Variants in PRKG1 observed in about 807,000 individuals in gnomAD.
PRKG1 encodes cGMP-dependent protein kinase 1.
A neutral mutation model predicts 88.1 loss-of-function variants in PRKG1; 35 were observed. The ratio of observed to expected loss-of-function variants is 0.40; its 90% confidence interval spans 0.30 to 0.53. The LOEUF is 0.53. PRKG1 is among the 20% of genes least tolerant of loss of function. The pLI, the probability that PRKG1 is intolerant of heterozygous loss-of-function variation, is 0.59. For missense variants in PRKG1, 540 were observed against 839.8 expected (o/e 0.64, Z 4.41); for synonymous variants, 303 against 292.5 (o/e 1.04, Z -0.37).
intron 1 of PRKG1, among the ~76,000 whole-genome samples, chr10:51,015,314 A>G (rs549247980): frequency 6.6e-6 from 1 of 152,280 alleles, no homozygotes; most frequent in South Asian, 2.1e-4. Flanking sequence ...TTTATTTAAA[A>G]CCTACTATGT....
intron 1 of PRKG1, among the ~76,000 whole-genome samples, chr10:51,054,353 T>C (rs1267607831): frequency 6.6e-6 from 1 of 152,194 alleles, no homozygotes; most frequent in Non-Finnish European, 1.5e-5. Flanking sequence ...TAAAATGATT[T>C]AATTTGTTTA....
chr10:51,783,534 G>A (rs748959809), intron 3 of PRKG1, among the ~76,000 whole-genome samples: 2 of 151,982 alleles, frequency 1.3e-5, no homozygotes, highest in Admixed American at 6.6e-5. Flanking sequence ...CACCTGCCTC[G>A]GCCTCCCAAA....
At chr10:51,128,191 G>A (rs1379080024) in intron 1 of PRKG1, among the ~76,000 whole-genome samples, 1 of 121,196 alleles carries the variant, frequency 8.3e-6, no homozygotes, top group Non-Finnish European at 1.8e-5. Flanking sequence ...TAAGAAATGA[G>A]AGGTTTTTGT....
intron 3 of PRKG1, among the ~76,000 whole-genome samples, chr10:51,786,912 C>G (rs1173632850): frequency 6.6e-6 from 1 of 152,128 alleles, no homozygotes; most frequent in Non-Finnish European, 1.5e-5. Context: ...ATATGTCCAT[C>G]CTTAAGTAAT....
At chr10:51,925,983 A>G (rs900340490) in intron 5 of PRKG1, among the ~76,000 whole-genome samples, 3 of 152,196 alleles carry the variant, frequency 2.0e-5, no homozygotes, top group African/African-American at 7.2e-5. Flanking sequence ...ACTTAGCACA[A>G]TGCATGGCAT....
intron 4 of PRKG1, among the ~76,000 whole-genome samples, chr10:51,907,122 G>A (rs560732919): frequency 1.3e-5 from 2 of 152,100 alleles, no homozygotes; most frequent in Non-Finnish European, 2.9e-5. Flanking sequence ...AGTTTTTCAG[G>A]TTTACTTTGG....
At chr10:51,350,200 T>C (rs1190721315) in intron 2 of PRKG1, among the ~76,000 whole-genome samples, 1 of 152,168 alleles carries the variant, frequency 6.6e-6, no homozygotes, top group Non-Finnish European at 1.5e-5. Flanking sequence ...CCAGTCAGAC[T>C]CACATGGCCT....
intron 3 of PRKG1, among the ~76,000 whole-genome samples, chr10:51,632,131 A>C (rs2132282475): frequency 6.6e-6 from 1 of 152,162 alleles, no homozygotes; most frequent in East Asian, 1.9e-4. Flanking sequence ...GCTTATCAGC[A>C]ATCGTTAGTA....
At chr10:51,145,751 G>A (rs1468323217) in intron 1 of PRKG1, among the ~76,000 whole-genome samples, 8 of 152,136 alleles carry the variant, frequency 5.3e-5, no homozygotes, top group Admixed American at 4.6e-4. Flanking sequence ...TGCCCCATCT[G>A]TTAACATCTA....
chr10:51,811,392 T>G (rs1839451782), intron 4 of PRKG1, among the ~76,000 whole-genome samples: 1 of 152,184 alleles, frequency 6.6e-6, no homozygotes, highest in Admixed American at 6.6e-5. Context: ...CTGGTTTCAT[T>G]TTTTTAATAA....
In PRKG1 at chr10:52,233,291, A is replaced by G. The variant is rs7075822; in HGVS notation, c.1077-18279A>G. Among the ~76,000 whole-genome samples the G allele has an allele frequency of 6.9e-3, 1,053 of 152,278 alleles. 11 individuals are homozygous for G. Among genetic ancestry groups the G allele is most frequent in the African/African-American group, 0.024 (995 of 41,578 alleles). ...GGAAAAAGGAAGTCAAATATGAAAA[A>G]AAATCTCCAGCTGTTAAATGGCATA... On this transcript the variant is annotated intron_variant, in intron 9 of 17. Coordinates refer to ENST00000373980, the MANE Select transcript of PRKG1 (RefSeq NM_006258.4).
intron 3 of PRKG1, among the ~76,000 whole-genome samples, chr10:51,706,776 C>T (rs1271505037): frequency 6.6e-6 from 1 of 152,040 alleles, no homozygotes; most frequent in African/African-American, 2.4e-5. Flanking sequence ...CAAATTACTT[C>T]GCCTCTCTGT....
chr10:51,483,300 C>T (rs293317), intron 3 of PRKG1, among the ~76,000 whole-genome samples: 91,454 of 151,868 alleles, frequency 0.6, 28,798 homozygotes, highest in East Asian at 0.85. Context: ...GGATTACAGG[C>T]GTGAGCCACC....
rs565600317 is a variant in PRKG1, at chr10:51,715,969, G to A, written c.593-88616G>A. Among the ~76,000 whole-genome samples, 8 of 152,304 alleles carry A rather than the reference G, an allele frequency of 5.3e-5. No individual in the cohort carries two copies. In the East Asian group the frequency reaches 9.6e-4, roughly 18 times the overall value. On this transcript the variant is annotated intron_variant, in intron 3 of 17. Coordinates refer to ENST00000373980, the MANE Select transcript of PRKG1 (RefSeq NM_006258.4). Reference sequence around the variant, plus strand: ...ATGGGGATTATTAGGATGCCAAGCCGTTCTATATTCTCCTCCCAAATCTCA... The same window carrying A: ...ATGGGGATTATTAGGATGCCAAGCCATTCTATATTCTCCTCCCAAATCTCA...
chr10:50,995,171 A>G (rs1842825699), intron 1 of PRKG1, among the ~76,000 whole-genome samples: 2 of 152,224 alleles, frequency 1.3e-5, no homozygotes, highest in Admixed American at 6.5e-5. Flanking sequence ...AATTTACGTA[A>G]TAGGTGACAA....
At chr10:51,936,870 C>G (rs1564716339) in intron 5 of PRKG1, among the ~76,000 whole-genome samples, 1 of 151,964 alleles carries the variant, frequency 6.6e-6, no homozygotes, top group Non-Finnish European at 1.5e-5. Context: ...ATATTAGAAA[C>G]AACCCATTTC....
chr10:51,895,705 G>A (rs1413786095), intron 4 of PRKG1, among the ~76,000 whole-genome samples: 1 of 151,970 alleles, frequency 6.6e-6, no homozygotes, highest in East Asian at 1.9e-4. Context: ...CCGTCTATTG[G>A]TCTCAGGGTT....
chr10:51,505,183 G>A (rs540458212), intron 3 of PRKG1, among the ~76,000 whole-genome samples: 5 of 151,860 alleles, frequency 3.3e-5, no homozygotes, highest in African/African-American at 7.3e-5. Flanking sequence ...TAGCATGAAG[G>A]GTTGTTGAAT....
chr10:52,170,738 A>G (rs1355615651), intron 9 of PRKG1, among the ~76,000 whole-genome samples: 1 of 152,206 alleles, frequency 6.6e-6, no homozygotes, highest in Non-Finnish European at 1.5e-5. Flanking sequence ...AGACTGTCTG[A>G]TATTTTCAGG....
Sources: allele counts gnomAD v4.1 joint callset (sites outside exome capture counted in the v4.1 genomes callset), GRCh38; gene constraint gnomAD v4.1.1; transcripts MANE v1.5; gene names NCBI Gene and HGNC (gene_info 2026-07-23, HGNC 2026-07-21).